MYH10: variants seen among roughly 807,000 people sequenced by gnomAD.
MYH10 encodes the protein myosin-10.
In MYH10, 55 loss-of-function variants were observed where a neutral mutation model predicts 257.8. That is an observed-to-expected ratio of 0.21 (90% CI 0.17 to 0.27). MYH10 has a LOEUF of 0.27. Among genes scored for constraint, MYH10 ranks in the 10% least tolerant of loss-of-function variants. The pLI is 1.00. For synonymous variants in MYH10, 854 were observed against 921.7 expected (o/e 0.93, Z 1.33); for missense variants, 1,631 against 2,500.6 (o/e 0.65, Z 7.42).
chr17:8,494,949 G>C (rs188244303), intron 31 of MYH10, among the ~76,000 whole-genome samples, 188 bp downstream of exon 31: 4 of 152,180 alleles, frequency 2.6e-5, no homozygotes, highest in African/African-American at 4.8e-5. Context: ...GAACCCCAGG[G>C]GCTCTACATC....
Position 8,484,279 on chromosome 17 carries a change from A to G in MYH10, c.5047-13T>C, listed in dbSNP as rs1379196538. 1.3e-6 allele frequency: 2 copies of G among 1,599,422 alleles called. No individual in the cohort carries two copies. Among genetic ancestry groups the G allele is most frequent in the African/African-American group, 1.4e-5 (1 of 73,876 alleles). Reference sequence around the variant, plus strand: ...CCTTCATCTGAGCCTAAGATTAAATAAGAAGGTTTTGGGGTGGTTTACATT... The same window carrying G: ...CCTTCATCTGAGCCTAAGATTAAATGAGAAGGTTTTGGGGTGGTTTACATT... On this transcript the variant is annotated splice_polypyrimidine_tract_variant and intron_variant, in intron 36 of 42. Coordinates refer to ENST00000360416, the MANE Select transcript of MYH10 (RefSeq NM_001256012.3).
In MYH10 at chr17:8,487,530, T is replaced by C; in HGVS notation, c.4949A>G (p.Lys1650Arg). 6.2e-7 allele frequency: 1 copy of C among 1,614,230 alleles called. No homozygotes were observed. Among genetic ancestry groups the C allele is most frequent in the Non-Finnish European group, 8.5e-7 (1 of 1,180,044 alleles). Residue 1650 changes from lysine (K) to arginine (R), a missense_variant, in exon 36 of 43, where the codon AAG (lysine) becomes AGG (arginine). Lys to Arg is a conservative substitution (Grantham distance 26). Transcript: ENST00000360416. ...CTTCAGGTCTATCTCCATCTTTTTCTTTGAAGCTACAGCAAGCGCCCGCTG... is the reference window on the plus strand; with the variant it reads ...CTTCAGGTCTATCTCCATCTTTTTCCTTGAAGCTACAGCAAGCGCCCGCTG... ...RKQRALAVASKKKMEIDLKDL... is the reference protein window; with the variant it reads ...RKQRALAVASRKKMEIDLKDL...
chr17:8,548,932 T>C, intron 9 of MYH10, 145 bp from the exon 10 acceptor site: 1 of 586,130 alleles, frequency 1.7e-6, no homozygotes, highest in Non-Finnish European at 2.9e-6. Context: ...TTTCTTTATA[T>C]ATTCATGTAA....
At chr17:8,488,205 C>G (rs1915193641) in intron 35 of MYH10, among the ~76,000 whole-genome samples, 1 of 152,172 alleles carries the variant, frequency 6.6e-6, no homozygotes, top group African/African-American at 2.4e-5. Flanking sequence ...CTGTCAGCCA[C>G]TCACTCACTC....
In MYH10 at chr17:8,508,765, G is replaced by A. The variant is rs147849224; in HGVS notation, c.3091-88C>T. On this transcript the variant is annotated intron_variant, in intron 25 of 42. Coordinates refer to ENST00000360416, the MANE Select transcript of MYH10 (RefSeq NM_001256012.3). ...TCCTCATAAAGGTCAACTTTGACTC[G>A]AGAGAAAATAAGTTCTATCGGCACT... 73 of 1,522,480 alleles carry A rather than the reference G, an allele frequency of 4.8e-5. No individual in the cohort carries two copies. In the African/African-American group the frequency reaches 7.7e-4, roughly 16 times the overall value. 94.3% of individuals were successfully genotyped at this position (1,522,480 alleles called of 1,614,324 possible).
chr17:8,594,966 T>C (rs566437003), intron 3 of MYH10, among the ~76,000 whole-genome samples: 8 of 152,330 alleles, frequency 5.3e-5, no homozygotes, highest in Non-Finnish European at 1.2e-4. Context: ...GACCCACGAA[T>C]ACAGAGGGCC....
intron 6 of MYH10, among the ~76,000 whole-genome samples, chr17:8,575,154 T>C (rs2083461334): frequency 6.6e-6 from 1 of 152,172 alleles, no homozygotes; most frequent in African/African-American, 2.4e-5. Flanking sequence ...AGAACCTGCT[T>C]CCCAGGGATT....
At chr17:8,476,131 GC>G (rs1455998629) in intron 42 of MYH10, among the ~76,000 whole-genome samples, 183 bp from the exon 43 acceptor site, 1 of 152,196 alleles carries the variant, frequency 6.6e-6, no homozygotes, top group African/African-American at 2.4e-5. Context: ...CCACAACCCT[GC>G]CTGCAGAGTA....
chr17:8,573,394 C>T (rs888865458), intron 6 of MYH10, among the ~76,000 whole-genome samples: 1 of 152,170 alleles, frequency 6.6e-6, no homozygotes, highest in African/African-American at 2.4e-5. Context: ...CTCTCTATCA[C>T]CTTTCTGTCT....
rs1567828251 is a variant in MYH10, at chr17:8,513,628, A to C, written c.2655T>G (p.Leu885=). ...TCAACAGCTCTTCATCTTTGGCCTG[A>C]AGTTCTTCCTCCTGGCGAGTCACTT... ...LLQVTRQEEE[L]QAKDEELLKV... The change falls in exon 23 of 43, where the codon CTT becomes CTG. Residue 885 remains leucine, a synonymous_variant. Transcript: ENST00000360416. The C allele has an allele frequency of 1.2e-6, 2 of 1,613,500 alleles. No homozygotes were observed. Among genetic ancestry groups the C allele is most frequent in the African/African-American group, 2.7e-5 (2 of 74,772 alleles).
At chr17:8,525,053 A>G (rs1343625460) in intron 17 of MYH10, among the ~76,000 whole-genome samples, 1 of 152,220 alleles carries the variant, frequency 6.6e-6, no homozygotes, top group East Asian at 1.9e-4. Flanking sequence ...CCTTTCACAC[A>G]TGCCCCTAAA....
intron 6 of MYH10, among the ~76,000 whole-genome samples, chr17:8,576,125 A>G (rs2083489429): frequency 1.3e-5 from 2 of 152,224 alleles, no homozygotes; most frequent in African/African-American, 2.4e-5. Flanking sequence ...CTATAGGTGC[A>G]TACCACTGTG....
chr17:8,623,499 T>A (rs1598006019), intron 1 of MYH10: 1 of 282,550 alleles, frequency 3.5e-6, no homozygotes, highest in African/African-American at 2.2e-5. Context: ...CCTCAGTTAC[T>A]GAGGGCAAAA....
In MYH10 at chr17:8,552,419, C is replaced by A. The variant is rs2082669624; in HGVS notation, c.821-275G>T. On this transcript the variant is annotated intron_variant, in intron 8 of 42. Coordinates refer to ENST00000360416, the MANE Select transcript of MYH10 (RefSeq NM_001256012.3). The surrounding 1 kb of genome is among the most constrained non-coding windows in gnomAD (Gnocchi z 4.8). Reference sequence around the variant, plus strand: ...TCCCTCACTCAGCTCCACTCTACCCCATCCTTCCCCTAACTTGGATTACAT... The same window carrying A: ...TCCCTCACTCAGCTCCACTCTACCCAATCCTTCCCCTAACTTGGATTACAT... 1.3e-5 allele frequency among the ~76,000 whole-genome samples: 2 copies of A among 152,172 alleles called. No individual in the cohort carries two copies. The highest frequency in any genetic ancestry group is 1.5e-5 in the Non-Finnish European group (1 of 68,030).
At chr17:8,496,053 A>G (rs1916566619) in intron 30 of MYH10, among the ~76,000 whole-genome samples, 1 of 152,208 alleles carries the variant, frequency 6.6e-6, no homozygotes, top group South Asian at 2.1e-4. Flanking sequence ...TATGTTCATC[A>G]TGAATATTTA....
In MYH10 at chr17:8,518,761, A is replaced by G; in HGVS notation, c.2374T>C (p.Tyr792His). ...IRALELDPNLYRIGQSKIFFR... is the reference protein window; with the variant it reads ...IRALELDPNLHRIGQSKIFFR... The stretch of plus-strand genomic sequence containing the variant: ...AATATCTTGCTCTGTCCAATTCTGT[A>G]CAAGTTTGGGTCCAATTCTAAAGCC... Residue 792 changes from tyrosine (Y) to histidine (H), a missense_variant, in exon 21 of 43, where the codon TAC (tyrosine) becomes CAC (histidine). This residue lies in a region of MYH10 where 116 missense variants were observed against 221.6 expected (regional missense o/e 0.52). Coordinates refer to ENST00000360416, the MANE Select transcript of MYH10 (RefSeq NM_001256012.3). 1 of 1,613,878 alleles carries G rather than the reference A, an allele frequency of 6.2e-7. No individual in the cohort carries two copies. Among genetic ancestry groups the G allele is most frequent in the Non-Finnish European group, 8.5e-7 (1 of 1,179,946 alleles).
chr17:8,492,260 T>G (rs370228690), intron 34 of MYH10, 37 bp downstream of exon 34: 94 of 1,595,136 alleles, frequency 5.9e-5, no homozygotes, highest in Non-Finnish European at 7.8e-5. Flanking sequence ...TGGGATACTC[T>G]CCCGTGCGGA....
chr17:8,594,602 ACTTATG>A (rs1367477221), intron 3 of MYH10, among the ~76,000 whole-genome samples: 1 of 152,124 alleles, frequency 6.6e-6, no homozygotes, highest in Non-Finnish European at 1.5e-5. Context: ...TGAAATGAAA[ACTTATG>A]CTCACACAAA....
chr17:8,480,041 G>A (rs1157239103), intron 40 of MYH10, 69 bp downstream of exon 40: 2 of 1,512,684 alleles, frequency 1.3e-6, no homozygotes, highest in Admixed American at 3.5e-5. Flanking sequence ...CCCGAAAGGG[G>A]CATGCCTGTT....
Sources: gnomAD v4.1 joint callset for allele counts (sites outside exome capture counted in the v4.1 genomes callset) on GRCh38, gnomAD v4.1.1 for gene constraint, gnomAD v4.1.1 regional missense constraint, Gnocchi (gnomAD v3.1) non-coding constraint, MANE v1.5 for transcripts, NCBI Gene and HGNC (gene_info 2026-07-23, HGNC 2026-07-21) for gene names.